KCNIP4: variants seen among roughly 807,000 people sequenced by gnomAD.
The protein encoded by KCNIP4 is Kv channel-interacting protein 4.
KCNIP4 carries 12 observed loss-of-function variants against 34.0 expected under a neutral mutation model. The ratio of observed to expected loss-of-function variants is 0.35; its 90% CI spans 0.23 to 0.57. KCNIP4 has a LOEUF of 0.57. Ranked by LOEUF, KCNIP4 falls within the 20% of genes least tolerant of loss-of-function variation. The probability of loss-of-function intolerance (pLI) is 0.83; values close to 1 mark genes in which losing one functional copy is unlikely to be tolerated. For missense variants in KCNIP4, 238 were observed against 311.7 expected (o/e 0.76, Z 1.78); for synonymous variants, 124 against 102.2 (o/e 1.21, Z -1.29).
chr4:21,392,639 T>C lies in KCNIP4; in HGVS notation c.62-509930A>G, dbSNP rs114690411. Among the ~76,000 whole-genome samples, 673 of 152,356 alleles carry C rather than the reference T, an allele frequency of 4.4e-3. 7 individuals carry two copies. The highest frequency in any genetic ancestry group is 0.015 in the African/African-American group (635 of 41,584). On this transcript the variant is annotated intron_variant, in intron 1 of 8. Coordinates refer to ENST00000382152, the MANE Select transcript of KCNIP4 (RefSeq NM_025221.6). ...AAGAATGTTTGATAACTGTTTGATC[T>C]ATGAATTTTTAGCTTCATAGCTTTA...
In KCNIP4 at chr4:20,766,522, C is replaced by T. The variant is rs12650774; in HGVS notation, c.289-7632G>A. Among the ~76,000 whole-genome samples the T allele has an allele frequency of 2.1e-3, 327 of 152,270 alleles. 7 individuals carry two copies. The South Asian group carries it at 0.044, about 21-fold the overall frequency. On this transcript the variant is annotated intron_variant, in intron 3 of 8. Coordinates refer to ENST00000382152, the MANE Select transcript of KCNIP4 (RefSeq NM_025221.6). ...TGGAGGTTGCAGTGAGCCGAGATCA[C>T]GCCACTATACTCCAGCCTGGGTGAC... is the stretch of plus-strand genomic sequence containing the variant.
At chr4:21,830,990 A>G (rs1007535315) in intron 1 of KCNIP4, among the ~76,000 whole-genome samples, 1 of 152,198 alleles carries the variant, frequency 6.6e-6, no homozygotes, top group Non-Finnish European at 1.5e-5. Context: ...ACTAGAAATC[A>G]ATAACAGGAG....
In KCNIP4 at chr4:20,729,229, A is replaced by G. The variant is rs1747077521; in HGVS notation, c.*853T>C. 1 of 152,082 alleles carries G rather than the reference A, an allele frequency of 6.6e-6. No homozygotes were observed. The highest frequency in any genetic ancestry group is 2.4e-5 in the African/African-American group (1 of 41,422). The allele number at this position is 152,082 out of a possible 1,614,324, so 9.4% of individuals were successfully genotyped here. Reference sequence around the variant, plus strand: ...ATTACTTGTTATTAAGCATTACTATATACTGGAGGATAGATATCCTGACCC... The same window carrying G: ...ATTACTTGTTATTAAGCATTACTATGTACTGGAGGATAGATATCCTGACCC... On this transcript the variant is annotated 3_prime_UTR_variant, in exon 9 of 9. Transcript: ENST00000382152.
chr4:21,891,167 A>G (rs1292452858), intron 1 of KCNIP4, among the ~76,000 whole-genome samples: 1 of 152,034 alleles, frequency 6.6e-6, no homozygotes, highest in African/African-American at 2.4e-5. Context: ...TAGATAAGGA[A>G]TGAATACCTG....
At chr4:21,613,063 G>A (rs1200260708) in intron 1 of KCNIP4, among the ~76,000 whole-genome samples, 1 of 152,054 alleles carries the variant, frequency 6.6e-6, no homozygotes, top group African/African-American at 2.4e-5. Flanking sequence ...AGTACTGTTG[G>A]ATCAGCAGCC....
chr4:21,044,399 C>T (rs759805668), intron 1 of KCNIP4, among the ~76,000 whole-genome samples: 2 of 152,124 alleles, frequency 1.3e-5, no homozygotes, highest in Non-Finnish European at 2.9e-5. Context: ...GCAACCTCCA[C>T]CTCCAGGGTT....
intron 1 of KCNIP4, among the ~76,000 whole-genome samples, chr4:21,014,727 C>T (rs571998074): frequency 2.6e-5 from 4 of 152,090 alleles, no homozygotes; most frequent in African/African-American, 7.2e-5. Flanking sequence ...AACAGTTAAA[C>T]GTAGCATTAC....
chr4:21,918,305 A>C (rs1395884365), intron 1 of KCNIP4, among the ~76,000 whole-genome samples: 1 of 152,236 alleles, frequency 6.6e-6, no homozygotes, highest in Non-Finnish European at 1.5e-5. Flanking sequence ...GGATGAAAAA[A>C]GTATATTTTT....
intron 8 of KCNIP4, chr4:20,731,567 C>G: frequency 2.0e-6 from 2 of 985,370 alleles, no homozygotes; most frequent in Non-Finnish European, 2.4e-6. Context: ...TACACTAAAA[C>G]AATGACTTTT....
chr4:20,915,303 A>C (rs1728706467), intron 1 of KCNIP4, among the ~76,000 whole-genome samples: 1 of 152,202 alleles, frequency 6.6e-6, no homozygotes, highest in African/African-American at 2.4e-5. Context: ...TCTACTCAGC[A>C]GGAGTGCAAA....
intron 1 of KCNIP4, among the ~76,000 whole-genome samples, chr4:21,138,719 G>C (rs1429480954): frequency 6.6e-6 from 1 of 152,058 alleles, no homozygotes; most frequent in Non-Finnish European, 1.5e-5. Flanking sequence ...AATCCTGGTA[G>C]GCAGAATGTA....
At chr4:21,171,001 CT>C (rs1328886263) in intron 1 of KCNIP4, among the ~76,000 whole-genome samples, 3 of 152,120 alleles carry the variant, frequency 2.0e-5, no homozygotes, top group African/African-American at 7.2e-5. Flanking sequence ...TTATACAGCT[CT>C]TTTTAACTCT....
At chr4:21,898,285 C>T (rs1008278310) in intron 1 of KCNIP4, among the ~76,000 whole-genome samples, 2 of 152,104 alleles carry the variant, frequency 1.3e-5, no homozygotes, top group African/African-American at 4.8e-5. Context: ...ATGCACATGA[C>T]CTAGCAAGAT....
chr4:20,872,340 G>T (rs967232503), intron 2 of KCNIP4, among the ~76,000 whole-genome samples: 6 of 151,984 alleles, frequency 3.9e-5, no homozygotes, highest in African/African-American at 1.4e-4. Flanking sequence ...TCTTTTTAAT[G>T]AAACCTTACA....
chr4:21,675,832 C>T (rs1008585566), intron 1 of KCNIP4, among the ~76,000 whole-genome samples: 16 of 152,112 alleles, frequency 1.1e-4, no homozygotes, highest in African/African-American at 3.9e-4. Context: ...TTACATGATC[C>T]AACTACTTTT....
At chr4:20,874,200 G>A (rs1287238953) in intron 2 of KCNIP4, among the ~76,000 whole-genome samples, 1 of 152,168 alleles carries the variant, frequency 6.6e-6, no homozygotes, top group Non-Finnish European at 1.5e-5. Flanking sequence ...AGGCCCAGAA[G>A]GGATAAGTAG....
intron 1 of KCNIP4, among the ~76,000 whole-genome samples, chr4:21,831,699 T>C (rs1462232584): frequency 2.1e-5 from 3 of 141,710 alleles, no homozygotes; most frequent in African/African-American, 8.0e-5. Context: ...CAGGACCTGA[T>C]GGTTTCACTG....
chr4:21,444,640 C>T (rs1296589705), intron 1 of KCNIP4, among the ~76,000 whole-genome samples: 1 of 152,126 alleles, frequency 6.6e-6, no homozygotes, highest in South Asian at 2.1e-4. Context: ...ATAATAAGAG[C>T]TATTTATGAT....
chr4:21,149,920 A>C (rs977746981), intron 1 of KCNIP4, among the ~76,000 whole-genome samples: 7 of 152,318 alleles, frequency 4.6e-5, no homozygotes, highest in Non-Finnish European at 2.9e-5. Context: ...TGTGTTGGAA[A>C]TGTCCTTTTA....
Sources: allele counts gnomAD v4.1 joint callset (sites outside exome capture counted in the v4.1 genomes callset), GRCh38; gene constraint gnomAD v4.1.1; transcripts MANE v1.5; gene names NCBI Gene and HGNC (gene_info 2026-07-23, HGNC 2026-07-21).